The following CACNB2 variants were observed in gnomAD, a reference collection of about 807,000 sequenced individuals.
The protein encoded by CACNB2 is calcium voltage-gated channel auxiliary subunit beta 2.
Under a neutral mutation model 73.3 loss-of-function variants are expected in CACNB2, and 42 were observed. The observed-to-expected ratio is 0.57, with a 90% CI of 0.45 to 0.74. The LOEUF (loss-of-function observed/expected upper bound fraction) is 0.74. Among genes scored for constraint, CACNB2 ranks in the 30% least tolerant of loss-of-function variants. CACNB2 has a pLI of 0.00. For missense variants in CACNB2, 940 were observed against 853.0 expected (o/e 1.10, Z -1.27); for synonymous variants, 348 against 310.3 (o/e 1.12, Z -1.28).
intron 2 of CACNB2, among the ~76,000 whole-genome samples, chr10:18,232,508 T>A (rs12242606): frequency 0.047 from 7,147 of 152,214 alleles, 593 homozygotes; most frequent in African/African-American, 0.16. Flanking sequence ...TTGCAGTGTT[T>A]AATACAGTGA....
intron 2 of CACNB2, among the ~76,000 whole-genome samples, chr10:18,210,245 A>G (rs1184114090): frequency 6.6e-6 from 1 of 152,204 alleles, no homozygotes; most frequent in Non-Finnish European, 1.5e-5. Flanking sequence ...ATCTTAAGCC[A>G]ATCTAAGTGT....
At chr10:18,400,751 G>T in intron 2 of CACNB2, 1 of 1,314,500 alleles carries the variant, frequency 7.6e-7, no homozygotes, top group Non-Finnish European at 9.7e-7. Flanking sequence ...AGAACGAGTT[G>T]ATGCTCGGCT....
At chr10:18,532,391 G>A in intron 10 of CACNB2, among the ~76,000 whole-genome samples, 1 of 151,804 alleles carries the variant, frequency 6.6e-6, no homozygotes, top group East Asian at 1.9e-4. Flanking sequence ...GCACATATTA[G>A]GGCTGGGCGC....
intron 2 of CACNB2, among the ~76,000 whole-genome samples, chr10:18,174,556 C>A (rs1374565193): frequency 1.3e-5 from 2 of 151,502 alleles, no homozygotes; most frequent in African/African-American, 2.4e-5. Context: ...GGTGCCTGCC[C>A]CCATGCCCAG....
chr10:18,519,865 T>G (rs2051676017), intron 9 of CACNB2: 1 of 394,890 alleles, frequency 2.5e-6, no homozygotes, highest in Non-Finnish European at 5.0e-6. Flanking sequence ...GGATAAATTT[T>G]CAGCCCTAAT....
At chr10:18,495,667 C>T (rs1238012177) in intron 3 of CACNB2, among the ~76,000 whole-genome samples, 1 of 151,292 alleles carries the variant, frequency 6.6e-6, no homozygotes. Context: ...CCCACCATGC[C>T]CTCCCAAAGT....
intron 2 of CACNB2, among the ~76,000 whole-genome samples, chr10:18,355,220 G>A (rs2041860480): frequency 6.6e-6 from 1 of 152,002 alleles, no homozygotes; most frequent in African/African-American, 2.4e-5. Flanking sequence ...AGTGTTTCAG[G>A]GTGCTTAACA....
chr10:18,270,233 TA>T, intron 2 of CACNB2, among the ~76,000 whole-genome samples: 1 of 152,048 alleles, frequency 6.6e-6, no homozygotes, highest in East Asian at 1.9e-4. Context: ...TCAGATCTCA[TA>T]AAAACTTACT....
chr10:18,333,576 AG>A (rs1412908323), intron 2 of CACNB2, among the ~76,000 whole-genome samples: 4 of 152,102 alleles, frequency 2.6e-5, no homozygotes, highest in African/African-American at 9.7e-5. Flanking sequence ...TTTTGAGAAA[AG>A]CATGTGTTGG....
intron 2 of CACNB2, among the ~76,000 whole-genome samples, chr10:18,215,418 G>A (rs913200766): frequency 5.9e-5 from 9 of 152,104 alleles, no homozygotes; most frequent in Non-Finnish European, 1.2e-4. Context: ...CCCTGGAAAT[G>A]GGGCATTTCT....
At chr10:18,151,437 A>G (rs1413358416) in intron 2 of CACNB2, among the ~76,000 whole-genome samples, 1 of 152,138 alleles carries the variant, frequency 6.6e-6, no homozygotes, top group East Asian at 1.9e-4. Context: ...TCGAGGTTAA[A>G]CAGAACATGC....
At chr10:18,355,916 G>A (rs958099005) in intron 2 of CACNB2, among the ~76,000 whole-genome samples, 1 of 152,074 alleles carries the variant, frequency 6.6e-6, no homozygotes, top group Non-Finnish European at 1.5e-5. Context: ...GATTACAGGC[G>A]TGAGCCACCA....
intron 6 of CACNB2, among the ~76,000 whole-genome samples, chr10:18,509,446 T>C: frequency 6.6e-6 from 1 of 152,286 alleles, no homozygotes; most frequent in African/African-American, 2.4e-5. Flanking sequence ...CGTGTGTACA[T>C]ATGTGTCAAG....
intron 3 of CACNB2, among the ~76,000 whole-genome samples, chr10:18,442,210 C>T (rs541741843): frequency 6.6e-5 from 10 of 152,040 alleles, no homozygotes; most frequent in South Asian, 2.1e-4. Flanking sequence ...AGGACAATGG[C>T]GCGATCTCTA....
At chr10:18,443,000 GTA>G (rs1175184436) in intron 3 of CACNB2, among the ~76,000 whole-genome samples, 63 of 3,788 alleles carry the variant, frequency 0.017, 7 homozygotes, top group Middle Eastern at 0.083. Flanking sequence ...ATATATATGT[GTA>G]TATATATATA....
chr10:18,351,150 CTTTTTT>C (rs5783596), intron 2 of CACNB2, among the ~76,000 whole-genome samples: 1 of 142,400 alleles, frequency 7.0e-6, no homozygotes, highest in African/African-American at 2.6e-5. Context: ...CCTTTCTTTT[CTTTTTT>C]TTTTTTTCTT....
At chr10:18,337,160 A>T (rs2041039745) in intron 2 of CACNB2, among the ~76,000 whole-genome samples, 1 of 150,620 alleles carries the variant, frequency 6.6e-6, no homozygotes, top group African/African-American at 2.4e-5. Context: ...ACAGGGTCTC[A>T]CTCTTGTTGC....
rs59304020 is a variant in CACNB2, at chr10:18,197,277, C to G, written c.213+46302C>G. Among the ~76,000 whole-genome samples, 518 of 152,330 alleles carry G rather than the reference C, an allele frequency of 3.4e-3. 10 individuals carry two copies. The East Asian group carries it at 0.062, about 18-fold the overall frequency. Reference sequence around the variant, plus strand: ...GAGCAAATCCCTTCCTTCTCATCCTCTCTAGCTCTTGGCCTATAACCTACT... The same window carrying G: ...GAGCAAATCCCTTCCTTCTCATCCTGTCTAGCTCTTGGCCTATAACCTACT... On this transcript the variant is annotated intron_variant, in intron 2 of 13. Coordinates refer to ENST00000324631, the MANE Select transcript of CACNB2 (RefSeq NM_201596.3).
intron 2 of CACNB2, among the ~76,000 whole-genome samples, chr10:18,311,036 A>G (rs1239826242): frequency 6.6e-6 from 1 of 151,914 alleles, no homozygotes; most frequent in Non-Finnish European, 1.5e-5. Context: ...GTACTTTTTC[A>G]TAGCTTTTTG....
Sources: allele counts gnomAD v4.1 joint callset (sites outside exome capture counted in the v4.1 genomes callset), GRCh38; gene constraint gnomAD v4.1.1; transcripts MANE v1.5; gene names NCBI Gene and HGNC (gene_info 2026-07-23, HGNC 2026-07-21).